GRIA2: variants seen among roughly 807,000 people sequenced by gnomAD.
GRIA2 encodes glutamate ionotropic receptor AMPA type subunit 2, also known as glutamate receptor 2.
Under a neutral mutation model 97.3 loss-of-function variants are expected in GRIA2, and 14 were observed. That is an observed-to-expected ratio of 0.14 (90% CI 0.10 to 0.23). The LOEUF (loss-of-function observed/expected upper bound fraction) is 0.23. Among genes scored for constraint, GRIA2 ranks in the 10% least tolerant of loss-of-function variants. The pLI, the probability that GRIA2 is intolerant of heterozygous loss-of-function variation, is 1.00. For synonymous variants in GRIA2, 412 were observed against 387.8 expected, an observed-to-expected ratio of 1.06 and a Z score of -0.73; for missense variants, 558 against 1,069.8, an observed-to-expected ratio of 0.52 and a Z score of 6.67.
chr4:157,363,534 G>C lies in GRIA2; in HGVS notation c.*103G>C. 1 of 1,238,058 alleles carries C rather than the reference G, an allele frequency of 8.1e-7. No individual in the cohort carries two copies. Among genetic ancestry groups the C allele is most frequent in the Non-Finnish European group, 1.0e-6 (1 of 990,026 alleles). The allele number at this position is 1,238,058 out of a possible 1,614,324, so 76.7% of individuals were successfully genotyped here. A position where few individuals can be genotyped will look rare whatever the true frequency, so the allele number is the denominator to read the frequency against. On this transcript the variant is annotated 3_prime_UTR_variant, in exon 16 of 16. Transcript: ENST00000264426. ...TATGACTCCAGAATTTCCCAAAGCA[G>C]TGCATGCTGTCCCTTACGTGAGTCC... is the stretch of plus-strand genomic sequence containing the variant.
At chr4:157,320,268 A>T (rs778116781) in intron 5 of GRIA2, among the ~76,000 whole-genome samples, 12 of 152,092 alleles carry the variant, frequency 7.9e-5, no homozygotes, top group Non-Finnish European at 1.5e-4. Flanking sequence ...ACTGATTAAA[A>T]TGGGTGAGAA....
chr4:157,362,379 G>A, intron 14 of GRIA2: 2 of 456,926 alleles, frequency 4.4e-6, no homozygotes, highest in South Asian at 1.5e-5. Context: ...TTTAAAACTT[G>A]CTTCTACAAT....
rs1230870612 is a variant in GRIA2, at chr4:157,344,776, T to C, written c.2043+3314T>C. Among the ~76,000 whole-genome samples the C allele has an allele frequency of 2.0e-5, 3 of 152,110 alleles. No individual in the cohort carries two copies. In the East Asian group the frequency reaches 5.8e-4, roughly 29 times the overall value. On this transcript the variant is annotated intron_variant, in intron 12 of 15. Coordinates refer to ENST00000264426, the MANE Select transcript of GRIA2 (RefSeq NM_001083619.3). ...TTGGTTTTCGTCATAGCCAGAGATT[T>C]GGATTTAGCATCGCAGACATGGATT...
At chr4:157,256,854 G>T (rs1405878969) in intron 2 of GRIA2, among the ~76,000 whole-genome samples, 1 of 151,964 alleles carries the variant, frequency 6.6e-6, no homozygotes, top group Non-Finnish European at 1.5e-5. Context: ...TGTAGAAAGC[G>T]ACATGATTTT....
intron 4 of GRIA2, among the ~76,000 whole-genome samples, chr4:157,316,243 A>G (rs1734313796): frequency 6.6e-6 from 1 of 152,188 alleles, no homozygotes; most frequent in South Asian, 2.1e-4. Flanking sequence ...TTTTTCATTC[A>G]GAAGGACATC....
intron 2 of GRIA2, among the ~76,000 whole-genome samples, chr4:157,254,241 A>G (rs1231436201): frequency 2.6e-5 from 4 of 152,006 alleles, no homozygotes; most frequent in African/African-American, 4.8e-5. Flanking sequence ...TAAGCTCTCT[A>G]TTTTCTGTGT....
rs554306252 is a variant in GRIA2 at position 157,224,273 on chromosome 4, C to T, written c.229+2466C>T. 4.5e-4 allele frequency among the ~76,000 whole-genome samples: 69 copies of T among 152,220 alleles called. 3 individuals carry two copies. The South Asian group carries it at 0.014, about 32-fold the overall frequency. The stretch of plus-strand genomic sequence containing the variant: ...AAACAAATTATTTTCAGGAACTGAA[C>T]ACATTTTAAAGATGACAACATGATA... On this transcript the variant is annotated intron_variant, in intron 2 of 15. Coordinates refer to ENST00000264426, the MANE Select transcript of GRIA2 (RefSeq NM_001083619.3).
intron 12 of GRIA2, among the ~76,000 whole-genome samples, chr4:157,349,144 T>G (rs1735891388): frequency 6.6e-6 from 1 of 152,188 alleles, no homozygotes; most frequent in African/African-American, 2.4e-5. Flanking sequence ...ACAGATACAC[T>G]TTCCATCTAT....
At chr4:157,277,794 A>G (rs1005770269) in intron 2 of GRIA2, among the ~76,000 whole-genome samples, 4 of 140,862 alleles carry the variant, frequency 2.8e-5, no homozygotes, top group Non-Finnish European at 4.6e-5. Context: ...CTAAGGTATG[A>G]ATATAATAAA....
At chr4:157,297,913 A>C (rs2126852315) in intron 2 of GRIA2, among the ~76,000 whole-genome samples, 1 of 152,138 alleles carries the variant, frequency 6.6e-6, no homozygotes, top group Admixed American at 6.6e-5. Flanking sequence ...ATTAATATAT[A>C]TTTACAGTAT....
intron 2 of GRIA2, among the ~76,000 whole-genome samples, chr4:157,246,459 T>G (rs2126728640): frequency 6.6e-6 from 1 of 152,216 alleles, no homozygotes; most frequent in South Asian, 2.1e-4. Flanking sequence ...TCTGTTAAAT[T>G]TTATCCTGTT....
Position 157,221,700 on chromosome 4 carries a change from A to T in GRIA2, c.122A>T (p.Tyr41Phe). 6.2e-7 allele frequency: 1 copy of T among 1,614,144 alleles called. No homozygotes were observed. ...GLFPRGADQE[Y>F]SAFRVGMVQF... is the part of the protein sequence containing the mutation. ...TTTCCTAGGGGCGCCGATCAAGAAT[A>T]CAGTGCATTTCGAGTAGGGATGGTT... Residue 41 changes from tyrosine (Y) to phenylalanine (F), a missense_variant, in exon 2 of 16, where the codon TAC becomes TTC. This residue lies in a region of GRIA2 where 96 missense variants were observed against 176.6 expected (regional missense o/e 0.54). Transcript: ENST00000264426.
intron 12 of GRIA2, among the ~76,000 whole-genome samples, chr4:157,359,392 T>C (rs1736537676): frequency 6.6e-6 from 1 of 152,178 alleles, no homozygotes; most frequent in Non-Finnish European, 1.5e-5. Context: ...AATGTTTCAG[T>C]CAGTATTAGA....
intron 2 of GRIA2, among the ~76,000 whole-genome samples, chr4:157,251,152 A>G (rs911472035): frequency 6.6e-6 from 1 of 152,092 alleles, no homozygotes; most frequent in African/African-American, 2.4e-5. Flanking sequence ...TAAATGAAGG[A>G]AGGCAATAAT....
chr4:157,321,454 A>G lies in GRIA2; in HGVS notation c.737A>G (p.Asp246Gly), dbSNP rs984034189. ...TATGTTTAGGGATTTACTGATGGAG[A>G]CCTATTAAAAATCCAGTTTGGAGGT... ...IIANLGFTDG[D>G]LLKIQFGGAN... Residue 246 changes from aspartate (D) to glycine (G), a missense_variant, in exon 6 of 16, where the codon GAC becomes GGC. Coordinates refer to ENST00000264426, the MANE Select transcript of GRIA2 (RefSeq NM_001083619.3). The G allele has an allele frequency of 1.2e-6, 2 of 1,610,516 alleles. No homozygotes were observed. The highest frequency in any genetic ancestry group is 1.7e-6 in the Non-Finnish European group (2 of 1,177,474).
chr4:157,348,527 C>T lies in GRIA2; in HGVS notation c.2043+7065C>T, dbSNP rs188221444. On this transcript the variant is annotated intron_variant, in intron 12 of 15. Transcript: ENST00000264426. ...ATGCAGGTATTACAGGCATGAGCCA[C>T]CTCACCCAGCCCAAAAATGAAATTT... 3.5e-4 allele frequency among the ~76,000 whole-genome samples: 54 copies of T among 152,158 alleles called. No homozygotes were observed. In the East Asian group the frequency reaches 9.9e-3, roughly 28 times the overall value.
chr4:157,278,339 T>C (rs1732442427), intron 2 of GRIA2, among the ~76,000 whole-genome samples: 1 of 151,878 alleles, frequency 6.6e-6, no homozygotes, highest in Admixed American at 6.6e-5. Context: ...AGTCAACTGA[T>C]TATGACAAAG....
In GRIA2 at chr4:157,364,059, CAATT is replaced by C. The variant is rs1346301248; in HGVS notation, c.*631_*634del. 2 of 152,508 alleles carry C rather than the reference CAATT, an allele frequency of 1.3e-5. No homozygotes were observed. Among genetic ancestry groups the C allele is most frequent in the East Asian group, 3.9e-4 (2 of 5,150 alleles). The allele number at this position is 152,508 out of a possible 1,614,324, so 9.4% of individuals were successfully genotyped here. On this transcript the variant is annotated 3_prime_UTR_variant, in exon 16 of 16. Coordinates refer to ENST00000264426, the MANE Select transcript of GRIA2 (RefSeq NM_001083619.3). ...CCATATTGGTTGAATAAGACAAAAA[CAATT>C]AAACTGAGTGGGAAGTGAATAAAAA...
chr4:157,306,203 C>T (rs901287616), intron 3 of GRIA2, among the ~76,000 whole-genome samples: 2 of 151,962 alleles, frequency 1.3e-5, no homozygotes, highest in African/African-American at 4.8e-5. Flanking sequence ...ACCATTGCTC[C>T]CTCTAGTTAA....
Sources: gnomAD v4.1 joint callset for allele counts (sites outside exome capture counted in the v4.1 genomes callset) on GRCh38, gnomAD v4.1.1 for gene constraint, gnomAD v4.1.1 regional missense constraint, MANE v1.5 for transcripts, NCBI Gene and HGNC (gene_info 2026-07-23, HGNC 2026-07-21) for gene names.